The following NEMP2 variants were observed in gnomAD, a reference collection of about 807,000 sequenced individuals.
The protein encoded by NEMP2 is nuclear envelope integral membrane protein 2.
NEMP2 carries 53 observed loss-of-function variants against 54.2 expected under a neutral mutation model. The ratio of observed to expected loss-of-function variants is 0.98; its 90% confidence interval spans 0.78 to 1.23. NEMP2 has a LOEUF of 1.23. Ranked by LOEUF, NEMP2 falls within the 50% of genes most tolerant of loss-of-function variation. NEMP2 has a pLI of 0.00. For missense variants in NEMP2, 455 were observed against 511.3 expected, an observed-to-expected ratio of 0.89 and a Z score of 1.06; for synonymous variants, 197 against 190.3, an observed-to-expected ratio of 1.04 and a Z score of -0.29.
At chr2:190,572,792 C>A in the NEMP2 span, among the ~76,000 whole-genome samples, 2 of 126,512 alleles carry the variant, frequency 1.6e-5, no homozygotes, top group African/African-American at 2.9e-5. Context: ...CTTTCCAGTT[C>A]TTCACTATTA....
the NEMP2 span, among the ~76,000 whole-genome samples, chr2:190,478,518 G>C: frequency 2.6e-5 from 4 of 152,304 alleles, no homozygotes; most frequent in Non-Finnish European, 5.9e-5. Flanking sequence ...GTTTGGATTC[G>C]TCTGCCTTTA....
chr2:190,575,907 A>G, the NEMP2 span, among the ~76,000 whole-genome samples: 1 of 152,132 alleles, frequency 6.6e-6, no homozygotes, highest in Non-Finnish European at 1.5e-5. Context: ...AATGGTTAAA[A>G]AGAACATTAC....
the NEMP2 span, among the ~76,000 whole-genome samples, chr2:190,437,870 A>G: frequency 6.6e-6 from 1 of 152,316 alleles, no homozygotes; most frequent in South Asian, 2.1e-4. This position sits in a 1 kb window ranked among gnomAD's most constrained non-coding sequence, Gnocchi z 5.9. Context: ...AGGTATAGGA[A>G]CACCAGCTTA....
chr2:190,462,648 G>A, the NEMP2 span, among the ~76,000 whole-genome samples: 1 of 152,140 alleles, frequency 6.6e-6, no homozygotes, highest in Non-Finnish European at 1.5e-5. The surrounding 1 kb of genome is among the most constrained non-coding windows in gnomAD (Gnocchi z 5.7). Flanking sequence ...CAGAGGAACA[G>A]CGGGGGACAG....
At chr2:190,447,548 A>G in the NEMP2 span, among the ~76,000 whole-genome samples, 75 of 152,388 alleles carry the variant, frequency 4.9e-4, no homozygotes, top group African/African-American at 1.7e-3. This position sits in a 1 kb window ranked among gnomAD's most constrained non-coding sequence, Gnocchi z 4.5. Flanking sequence ...AAGAAGCCAC[A>G]TTAAAAAATA....
chr2:190,450,567 A>G, the NEMP2 span, among the ~76,000 whole-genome samples: 1 of 129,356 alleles, frequency 7.7e-6, no homozygotes, highest in Admixed American at 1.0e-4. Flanking sequence ...ATCTCAGCTC[A>G]CTGCAGCCTC....
downstream of NEMP2, chr2:190,500,903 G>A (rs370343639): frequency 4.6e-5 from 7 of 152,032 alleles, no homozygotes; most frequent in East Asian, 3.9e-4. This position sits in a 1 kb window ranked among gnomAD's most constrained non-coding sequence, Gnocchi z 5.3. Flanking sequence ...AAGCTAAGCC[G>A]AGCTTAAAAA....
the NEMP2 span, among the ~76,000 whole-genome samples, chr2:190,447,508 A>G: frequency 6.7e-6 from 1 of 149,150 alleles, no homozygotes; most frequent in Non-Finnish European, 1.5e-5. The surrounding 1 kb of genome is among the most constrained non-coding windows in gnomAD (Gnocchi z 4.5). Context: ...GTCATAGCAC[A>G]TATGAAAAAA....
At chr2:190,458,709 G>C in the NEMP2 span, among the ~76,000 whole-genome samples, 4 of 152,196 alleles carry the variant, frequency 2.6e-5, no homozygotes, top group Non-Finnish European at 5.9e-5. The surrounding 1 kb of genome is among the most constrained non-coding windows in gnomAD (Gnocchi z 5.3). Flanking sequence ...TTCAGTGAAA[G>C]TGGCAAAAAT....
chr2:190,609,199 C>G, the NEMP2 span: 1 of 152,134 alleles, frequency 6.6e-6, no homozygotes, highest in African/African-American at 2.4e-5. The surrounding 1 kb of genome is among the most constrained non-coding windows in gnomAD (Gnocchi z 4.7). Context: ...GCTTATATAC[C>G]TTCTAAGCTA....
At chr2:190,432,869 T>C in the NEMP2 span, among the ~76,000 whole-genome samples, 300 of 146,110 alleles carry the variant, frequency 2.1e-3, 1 homozygote, top group Non-Finnish European at 3.6e-3. Flanking sequence ...TTCACTCACT[T>C]ACTCACACAT....
At chr2:190,570,452 T>C in the NEMP2 span, among the ~76,000 whole-genome samples, 2 of 152,218 alleles carry the variant, frequency 1.3e-5, no homozygotes, top group Non-Finnish European at 2.9e-5. The surrounding 1 kb of genome is among the most constrained non-coding windows in gnomAD (Gnocchi z 5.4). Context: ...GGTAGCATGG[T>C]GGCCTCGTTG....
the NEMP2 span, among the ~76,000 whole-genome samples, chr2:190,645,003 C>G: frequency 3.3e-5 from 5 of 152,248 alleles, no homozygotes; most frequent in Admixed American, 2.6e-4. Context: ...CTCTACAACA[C>G]GGATTAAAAT....
the NEMP2 span, chr2:190,436,616 G>A: frequency 1.9e-5 from 31 of 1,614,108 alleles, no homozygotes; most frequent in African/African-American, 1.3e-4. This position sits in a 1 kb window ranked among gnomAD's most constrained non-coding sequence, Gnocchi z 5.3. Context: ...CCAAAAATGC[G>A]TGAGAAAAGA....
the NEMP2 span, among the ~76,000 whole-genome samples, chr2:190,498,482 G>C: frequency 2.9e-4 from 44 of 152,290 alleles, no homozygotes; most frequent in South Asian, 8.7e-3. This position sits in a 1 kb window ranked among gnomAD's most constrained non-coding sequence, Gnocchi z 5.9. Context: ...TCCCCTTTCA[G>C]AAAATTTGTT....
At chr2:190,595,186 A>G in the NEMP2 span, among the ~76,000 whole-genome samples, 3 of 152,228 alleles carry the variant, frequency 2.0e-5, no homozygotes, top group African/African-American at 7.2e-5. The surrounding 1 kb of genome is among the most constrained non-coding windows in gnomAD (Gnocchi z 4.0). Context: ...GGTGTTGGGA[A>G]CACTGGCTAG....
chr2:190,445,891 G>T, the NEMP2 span, among the ~76,000 whole-genome samples: 60 of 152,212 alleles, frequency 3.9e-4, no homozygotes, highest in Admixed American at 3.5e-3. Context: ...AAGCTCTAAG[G>T]ATTACAGAGC....
the NEMP2 span, among the ~76,000 whole-genome samples, chr2:190,640,288 G>A: frequency 2.0e-5 from 3 of 152,160 alleles, no homozygotes; most frequent in East Asian, 5.8e-4. Flanking sequence ...GAAATCATAT[G>A]GACATGTTGC....
intron 7 of NEMP2, among the ~76,000 whole-genome samples, chr2:190,511,016 T>G (rs900664873): frequency 2.6e-5 from 4 of 152,238 alleles, no homozygotes; most frequent in African/African-American, 9.6e-5. Flanking sequence ...ACATGTAGTT[T>G]GGGCCTAATA....
Sources: gnomAD v4.1 joint callset for allele counts (sites outside exome capture counted in the v4.1 genomes callset) on GRCh38, gnomAD v4.1.1 for gene constraint, Gnocchi (gnomAD v3.1) non-coding constraint, MANE v1.5 for transcripts, NCBI Gene and HGNC (gene_info 2026-07-23, HGNC 2026-07-21) for gene names.